The following MRNIP variants were observed in gnomAD, a reference collection of about 807,000 sequenced individuals.
MRNIP encodes the protein MRN complex-interacting protein.
In MRNIP, 30 loss-of-function variants were observed where a neutral mutation model predicts 29.8. The ratio of observed to expected loss-of-function variants is 1.01; its 90% CI spans 0.75 to 1.36. MRNIP has a LOEUF of 1.36. MRNIP is among the 40% of genes most tolerant of loss of function. The probability of loss-of-function intolerance (pLI) is 0.00; values close to 1 mark genes in which losing one functional copy is unlikely to be tolerated. For missense variants in MRNIP, 459 were observed against 423.5 expected (o/e 1.08, Z -0.74); for synonymous variants, 201 against 164.1 (o/e 1.23, Z -1.72).
At chr5:179,855,213 C>T (rs1254074499) in intron 1 of MRNIP, among the ~76,000 whole-genome samples, 5 of 150,586 alleles carry the variant, frequency 3.3e-5, no homozygotes, top group East Asian at 3.9e-4. Context: ...GGTGAGATCT[C>T]GGCTTAGTGC....
chr5:179,843,055 A>AAGGAAGGAAGGAAGGAAGGGAGGG (rs1758974354), intron 4 of MRNIP, among the ~76,000 whole-genome samples: 3 of 121,596 alleles, frequency 2.5e-5, no homozygotes, highest in Non-Finnish European at 5.4e-5. Context: ...GGAAGGAAGG[A>AAGGAAGGAAGGAAGGAAGGGAGGG]AGGAAGGGAG....
intron 1 of MRNIP, among the ~76,000 whole-genome samples, chr5:179,854,027 T>G (rs938481174): frequency 2.0e-4 from 30 of 149,226 alleles, no homozygotes; most frequent in Admixed American, 1.9e-3. Flanking sequence ...TAATTTTTTT[T>G]TTTTTTTTTT....
intron 6 of MRNIP, chr5:179,840,560 C>T: frequency 2.0e-6 from 1 of 505,686 alleles, no homozygotes; most frequent in Non-Finnish European, 3.5e-6. Flanking sequence ...GGTCCCCGTG[C>T]TCCACGCAGA....
intron 4 of MRNIP, among the ~76,000 whole-genome samples, chr5:179,843,055 A>AAGGAAGGG (rs1186216264): frequency 7.5e-4 from 91 of 121,754 alleles, no homozygotes; most frequent in East Asian, 3.7e-3. Context: ...GGAAGGAAGG[A>AAGGAAGGG]AGGAAGGGAG....
Position 179,841,974 on chromosome 5 carries a change from T to C in MRNIP, c.382A>G (p.Ser128Gly). 8 of 1,614,170 alleles carry C rather than the reference T, an allele frequency of 5.0e-6. No individual in the cohort carries two copies. Among genetic ancestry groups the C allele is most frequent in the South Asian group, 2.2e-5 (2 of 91,076 alleles). Residue 128 changes from serine (S) to glycine (G), a missense_variant, in exon 5 of 7, where the codon AGC becomes GGC. Coordinates refer to ENST00000292586, the MANE Select transcript of MRNIP (RefSeq NM_016175.4). ...LELEGTGVCFSKQPSSKMEEP... is the reference protein window; with the variant it reads ...LELEGTGVCFGKQPSSKMEEP... ...TCCATTTTGGATGAAGGCTGTTTGCTGAAACACACTCCTGTTCCTTCCAGC... is the reference window on the plus strand; with the variant it reads ...TCCATTTTGGATGAAGGCTGTTTGCCGAAACACACTCCTGTTCCTTCCAGC...
intron 4 of MRNIP, among the ~76,000 whole-genome samples, chr5:179,843,929 G>C (rs1211076801): frequency 6.6e-6 from 1 of 152,146 alleles, no homozygotes; most frequent in Non-Finnish European, 1.5e-5. Flanking sequence ...AGACAGAGGA[G>C]AGAGTCCTTT....
chr5:179,853,500 G>T, intron 1 of MRNIP, 63 bp from the exon 2 acceptor site: 1 of 1,392,348 alleles, frequency 7.2e-7, no homozygotes, highest in South Asian at 1.2e-5. Context: ...AATTGGGCTG[G>T]ACTCGGTGGC....
intron 4 of MRNIP, among the ~76,000 whole-genome samples, chr5:179,843,043 A>AAGGAAGGAAGGAAGGAAGGG (rs1758969468): frequency 1.0e-5 from 1 of 97,066 alleles, no homozygotes; most frequent in Non-Finnish European, 2.0e-5. Context: ...AGGAGGAAAG[A>AAGGAAGGAAGGAAGGAAGGG]AGGAAGGAAG....
At chr5:179,839,267 A>AC (rs1758761434) in intron 6 of MRNIP, 1 of 151,670 alleles carries the variant, frequency 6.6e-6, no homozygotes, top group Admixed American at 6.6e-5. Flanking sequence ...AAAAAAAAAA[A>AC]CAACAGTTGG....
At chr5:179,850,149 A>G (rs1278795007) in intron 2 of MRNIP, among the ~76,000 whole-genome samples, 1 of 149,650 alleles carries the variant, frequency 6.7e-6, no homozygotes, top group Non-Finnish European at 1.5e-5. Context: ...AGATGTTAAG[A>G]GCCTGAATTT....
intron 1 of MRNIP, among the ~76,000 whole-genome samples, chr5:179,856,432 A>G (rs781309619): frequency 1.6e-4 from 24 of 152,118 alleles, no homozygotes; most frequent in Non-Finnish European, 2.6e-4. Context: ...TTAAAATTAA[A>G]GTAGTACATA....
At chr5:179,848,719 G>A (rs1031066521) in intron 2 of MRNIP, among the ~76,000 whole-genome samples, 3 of 152,190 alleles carry the variant, frequency 2.0e-5, no homozygotes, top group African/African-American at 7.2e-5. Flanking sequence ...AGAGCATACC[G>A]TTTTACATAA....
At chr5:179,841,068 A>G (rs1035174312) in intron 5 of MRNIP, 109 bp from the exon 6 acceptor site, 1 of 707,720 alleles carries the variant, frequency 1.4e-6, no homozygotes, top group East Asian at 2.8e-5. Flanking sequence ...GCTTGTTCCT[A>G]CGGCTTCCCA....
chr5:179,843,041 A>AAGGAAGGAAGGAAG (rs1561616595), intron 4 of MRNIP, among the ~76,000 whole-genome samples: 4 of 106,202 alleles, frequency 3.8e-5, no homozygotes, highest in Non-Finnish European at 5.3e-5. Flanking sequence ...AAAGGAGGAA[A>AAGGAAGGAAGGAAG]GAAGGAAGGA....
intron 6 of MRNIP, chr5:179,838,381 A>C (rs1758712348): frequency 5.9e-6 from 1 of 169,342 alleles, no homozygotes; most frequent in African/African-American, 2.4e-5. Context: ...AGATGCTCTG[A>C]AAGTTGGGTG....
rs140058138 is a variant in MRNIP at position 179,838,497 on chromosome 5, G to A, written c.538-612C>T. On this transcript the variant is annotated intron_variant, in intron 6 of 6. Transcript: ENST00000292586. ...TCGAGATCAACCTGGCCAACATGGC[G>A]AAACCCTATCACTACTAAAAATACA... 5.7e-3 allele frequency: 892 copies of A among 155,270 alleles called. 6 individuals carry two copies. The highest frequency in any genetic ancestry group is 9.7e-3 in the Non-Finnish European group (675 of 69,888). 9.6% of individuals were successfully genotyped at this position (155,270 alleles called of 1,614,324 possible).
chr5:179,851,795 G>A (rs916967633), intron 2 of MRNIP, among the ~76,000 whole-genome samples: 8 of 151,992 alleles, frequency 5.3e-5, no homozygotes, highest in Non-Finnish European at 1.2e-4. Flanking sequence ...TGGCTAACAT[G>A]GTGAAACCCC....
chr5:179,842,890 G>A (rs1004997369), intron 4 of MRNIP, among the ~76,000 whole-genome samples: 62 of 151,558 alleles, frequency 4.1e-4, no homozygotes, highest in Admixed American at 5.9e-4. Context: ...AAAATTAGCC[G>A]GGCGTGGTGG....
At chr5:179,842,127 C>T in intron 4 of MRNIP, 63 bp from the exon 5 acceptor site, 2 of 1,516,100 alleles carry the variant, frequency 1.3e-6, no homozygotes, top group South Asian at 1.2e-5. Flanking sequence ...ATCGAAAACC[C>T]CTAGCCCAAC....
Sources: gnomAD v4.1 joint callset for allele counts (sites outside exome capture counted in the v4.1 genomes callset) on GRCh38, gnomAD v4.1.1 for gene constraint, MANE v1.5 for transcripts, NCBI Gene and HGNC (gene_info 2026-07-23, HGNC 2026-07-21) for gene names.